The following WLS variants were observed in gnomAD, a reference collection of about 807,000 sequenced individuals.
WLS encodes the protein Wnt ligand secretion mediator.
A neutral mutation model predicts 62.8 loss-of-function variants in WLS; 23 were observed. The observed-to-expected ratio is 0.37, with a 90% CI of 0.26 to 0.52. The LOEUF (loss-of-function observed/expected upper bound fraction) is 0.52. Ranked by LOEUF, WLS falls within the 20% of genes least tolerant of loss-of-function variation. WLS has a pLI of 0.92. For missense variants in WLS, 615 were observed against 697.3 expected (o/e 0.88, Z 1.33); for synonymous variants, 246 against 244.1 (o/e 1.01, Z -0.07).
intron 1 of WLS, among the ~76,000 whole-genome samples, chr1:68,197,592 T>A (rs1648741709): frequency 6.6e-6 from 1 of 152,122 alleles, no homozygotes; most frequent in African/African-American, 2.4e-5. Flanking sequence ...CAGTTAATGT[T>A]CCCCCAATAA....
intron 2 of WLS, among the ~76,000 whole-genome samples, chr1:68,192,834 C>T (rs193049383): frequency 1.3e-5 from 2 of 148,920 alleles, no homozygotes; most frequent in East Asian, 4.0e-4. Context: ...GTGGCTCACA[C>T]CTGTAATCCC....
At chr1:68,211,483 C>T (rs189894955) in intron 1 of WLS, among the ~76,000 whole-genome samples, 1 of 152,294 alleles carries the variant, frequency 6.6e-6, no homozygotes, top group East Asian at 1.9e-4. Flanking sequence ...AAAGCATTTA[C>T]AATCTCATTA....
chr1:68,158,815 C>A (rs1303940591), intron 3 of WLS, among the ~76,000 whole-genome samples: 1 of 152,080 alleles, frequency 6.6e-6, no homozygotes, highest in African/African-American at 2.4e-5. Flanking sequence ...GAGGTCACAC[C>A]GTCAGTGATA....
chr1:68,157,215 G>A (rs1646910810), intron 3 of WLS, among the ~76,000 whole-genome samples: 1 of 152,222 alleles, frequency 6.6e-6, no homozygotes, highest in Non-Finnish European at 1.5e-5. Flanking sequence ...CCTCCTAAGT[G>A]AGAAAGTTAA....
chr1:68,119,970 C>T (rs2100355351), intron 11 of WLS, among the ~76,000 whole-genome samples: 1 of 152,282 alleles, frequency 6.6e-6, no homozygotes, highest in East Asian at 1.9e-4. Context: ...CAGGAGCCAC[C>T]TTGGGGATCT....
intron 2 of WLS, among the ~76,000 whole-genome samples, chr1:68,184,866 C>T (rs1451402052): frequency 6.6e-6 from 1 of 152,180 alleles, no homozygotes; most frequent in Non-Finnish European, 1.5e-5. Flanking sequence ...CTCTTTTCCT[C>T]AGCTCTTACA....
chr1:68,154,626 A>T (rs1029361776), intron 4 of WLS, among the ~76,000 whole-genome samples: 25 of 152,186 alleles, frequency 1.6e-4, no homozygotes, highest in African/African-American at 6.0e-4. Context: ...GGTAATTATT[A>T]TGCTTTTCTG....
chr1:68,224,576 T>C (rs1485345926), intron 1 of WLS, among the ~76,000 whole-genome samples: 3 of 151,988 alleles, frequency 2.0e-5, no homozygotes, highest in Non-Finnish European at 4.4e-5. Context: ...CTTTGGGGAG[T>C]GTTGGCATGT....
At chr1:68,104,317 T>G (rs1207237125) in intron 11 of WLS, among the ~76,000 whole-genome samples, 3 of 152,178 alleles carry the variant, frequency 2.0e-5, no homozygotes, top group Non-Finnish European at 4.4e-5. Flanking sequence ...TGACTCAGTA[T>G]TCTAGACTTA....
chr1:68,099,449 CTA>C (rs1383456712), intron 11 of WLS, among the ~76,000 whole-genome samples: 5 of 152,120 alleles, frequency 3.3e-5, no homozygotes, highest in Non-Finnish European at 5.9e-5. Flanking sequence ...ACACACAATT[CTA>C]TGTTGATAAG....
chr1:68,162,450 C>T (rs1570923509), intron 2 of WLS: 2 of 1,613,934 alleles, frequency 1.2e-6, no homozygotes, highest in East Asian at 4.5e-5. Flanking sequence ...CGATCCCATC[C>T]TGCAAGTAGG....
chr1:68,150,292 C>T lies in WLS; in HGVS notation c.868G>A (p.Gly290Arg), dbSNP rs560637274. Reference sequence around the variant, plus strand: ...AGCAGCATCCAGGTCCAGTCAAACCCGATGGAAAACCATTCCACTGGGATA... The same window carrying T: ...AGCAGCATCCAGGTCCAGTCAAACCTGATGGAAAACCATTCCACTGGGATA... The part of the protein sequence containing the change: ...INIPVEWFSI[G>R]FDWTWMLLFG... The change falls in exon 6 of 12, where the codon GGG becomes AGG. Residue 290 changes from glycine (G) to arginine (R), a missense_variant. Physicochemically the swap from Gly to Arg is moderately radical, Grantham distance 125. Coordinates refer to ENST00000262348, the MANE Select transcript of WLS (RefSeq NM_024911.7). 13 of 1,614,132 alleles carry T rather than the reference C, an allele frequency of 8.1e-6. No homozygotes were observed. The highest frequency in any genetic ancestry group is 4.4e-5 in the South Asian group (4 of 91,074).
At chr1:68,127,119 C>T (rs1646443592) in intron 11 of WLS, 1 of 406,444 alleles carries the variant, frequency 2.5e-6, no homozygotes, top group Non-Finnish European at 4.9e-6. Flanking sequence ...CACTGGAGCA[C>T]AGGAATTCTA....
chr1:68,170,568 A>G (rs1466331778), intron 2 of WLS, among the ~76,000 whole-genome samples: 3 of 152,124 alleles, frequency 2.0e-5, no homozygotes, highest in Admixed American at 6.6e-5. Context: ...GCCTCCTTTG[A>G]GAGGGTAAAT....
intron 2 of WLS, among the ~76,000 whole-genome samples, chr1:68,189,546 T>C (rs1648170307): frequency 6.6e-6 from 1 of 152,194 alleles, no homozygotes; most frequent in Admixed American, 6.5e-5. Context: ...TTTTAGGCAC[T>C]GGGTGGTCTT....
At chr1:68,110,007 TAAAAAAAAAAA>T (rs11290966) in intron 11 of WLS, among the ~76,000 whole-genome samples, 2 of 28,456 alleles carry the variant, frequency 7.0e-5, no homozygotes, top group Non-Finnish European at 1.3e-4. Context: ...ACACAAAAAG[TAAAAAAAAAAA>T]AAAAAAAAAA....
At chr1:68,106,748 G>A (rs1198226574) in intron 11 of WLS, among the ~76,000 whole-genome samples, 6 of 141,436 alleles carry the variant, frequency 4.2e-5, no homozygotes, top group Admixed American at 1.4e-4. Flanking sequence ...GTGTGTGTGT[G>A]TGTATGTGTG....
intron 1 of WLS, 59 bp from the exon 2 acceptor site, chr1:68,194,286 G>A: frequency 6.3e-7 from 1 of 1,574,924 alleles, no homozygotes; most frequent in South Asian, 1.2e-5. Context: ...ACTGTTTCTG[G>A]TTAATATTCT....
intron 2 of WLS, among the ~76,000 whole-genome samples, chr1:68,164,911 C>A (rs777322807): frequency 6.6e-6 from 1 of 152,172 alleles, no homozygotes; most frequent in Non-Finnish European, 1.5e-5. Flanking sequence ...AACTGTGCCA[C>A]TCCCAGCTTG....
Sources: gnomAD v4.1 joint callset for allele counts (sites outside exome capture counted in the v4.1 genomes callset) on GRCh38, gnomAD v4.1.1 for gene constraint, MANE v1.5 for transcripts, NCBI Gene and HGNC (gene_info 2026-07-23, HGNC 2026-07-21) for gene names.